Variants in EPB41L4B observed in about 807,000 individuals in gnomAD.
EPB41L4B encodes band 4.1-like protein 4B.
EPB41L4B carries 30 observed loss-of-function variants against 112.5 expected under a neutral mutation model. The observed-to-expected ratio is 0.27, with a 90% CI of 0.20 to 0.36. EPB41L4B has a LOEUF of 0.36. Ranked by LOEUF, EPB41L4B falls within the 10% of genes least tolerant of loss-of-function variation. The pLI, the probability that EPB41L4B is intolerant of heterozygous loss-of-function variation, is 1.00. For synonymous variants in EPB41L4B, 408 were observed against 439.7 expected (o/e 0.93, Z 0.90); for missense variants, 1,024 against 1,133.3 (o/e 0.90, Z 1.38).
intron 1 of EPB41L4B, among the ~76,000 whole-genome samples, chr9:109,287,513 C>A (rs926966612): frequency 3.3e-5 from 5 of 152,236 alleles, no homozygotes; most frequent in Non-Finnish European, 7.3e-5. Context: ...CAGATGTATA[C>A]ATCCTACTTG....
At chr9:109,255,937 T>TAA in intron 9 of EPB41L4B, 94 bp from the exon 10 acceptor site, 3 of 1,154,478 alleles carry the variant, frequency 2.6e-6, no homozygotes, top group South Asian at 3.4e-5. Flanking sequence ...AAGCTTAGAC[T>TAA]AAAAAAAAAA....
chr9:109,178,096 T>G (rs2118586877), intron 24 of EPB41L4B, among the ~76,000 whole-genome samples: 1 of 152,158 alleles, frequency 6.6e-6, no homozygotes, highest in Admixed American at 6.5e-5. Flanking sequence ...TTTTTAATCT[T>G]TCGTGGAAAC....
rs185891417 is a variant in EPB41L4B at position 109,192,726 on chromosome 9, G to T, written c.2224-371C>A. On this transcript the variant is annotated intron_variant, in intron 21 of 25. Coordinates refer to ENST00000374566, the MANE Select transcript of EPB41L4B (RefSeq NM_019114.5). Reference sequence around the variant, plus strand: ...AGAGGATCAAATCCAGGGTCCTCCAGGAGCTAAACTGATCTGCACACTAAG... The same window carrying T: ...AGAGGATCAAATCCAGGGTCCTCCATGAGCTAAACTGATCTGCACACTAAG... Among the ~76,000 whole-genome samples the T allele has an allele frequency of 6.2e-4, 94 of 152,276 alleles. 1 individual carries two copies. In the East Asian group the frequency reaches 0.015, roughly 24 times the overall value.
chr9:109,230,947 GGAGTTC>G (rs1446515238), intron 15 of EPB41L4B, among the ~76,000 whole-genome samples: 1 of 152,174 alleles, frequency 6.6e-6, no homozygotes, highest in Non-Finnish European at 1.5e-5. Context: ...TCTGAGGTCA[GGAGTTC>G]GAGACCAGCC....
intron 16 of EPB41L4B, among the ~76,000 whole-genome samples, chr9:109,216,669 A>G (rs1833381731): frequency 6.6e-6 from 1 of 151,516 alleles, no homozygotes; most frequent in Non-Finnish European, 1.5e-5. Flanking sequence ...AAAAGAAAAG[A>G]AAAAAAGAAA....
intron 12 of EPB41L4B, among the ~76,000 whole-genome samples, chr9:109,251,970 T>A (rs760804067): frequency 6.6e-6 from 1 of 152,202 alleles, no homozygotes; most frequent in Non-Finnish European, 1.5e-5. Flanking sequence ...TCCATTTTGT[T>A]TTTAAAAGGA....
At chr9:109,254,506 T>C (rs1305452760) in intron 11 of EPB41L4B, among the ~76,000 whole-genome samples, 2 of 151,754 alleles carry the variant, frequency 1.3e-5, no homozygotes, top group Non-Finnish European at 2.9e-5. Flanking sequence ...TTAAATAGAG[T>C]TCAGGGATGT....
intron 20 of EPB41L4B, among the ~76,000 whole-genome samples, chr9:109,199,042 C>T (rs1047363551): frequency 2.0e-5 from 3 of 152,026 alleles, no homozygotes; most frequent in African/African-American, 4.8e-5. Context: ...ATTTGTGACT[C>T]TTGTCTTTCC....
chr9:109,303,726 G>A (rs1316681521), intron 1 of EPB41L4B, among the ~76,000 whole-genome samples: 3 of 151,278 alleles, frequency 2.0e-5, no homozygotes, highest in Non-Finnish European at 2.9e-5. Context: ...GGCTGGTCTC[G>A]AACTCCTGGG....
intron 24 of EPB41L4B, among the ~76,000 whole-genome samples, chr9:109,181,571 T>G (rs1005117011): frequency 6.6e-6 from 1 of 152,136 alleles, no homozygotes; most frequent in Non-Finnish European, 1.5e-5. Context: ...GCATGGTGGC[T>G]CATGCCTGTA....
At chr9:109,297,614 A>C (rs1339677137) in intron 1 of EPB41L4B, among the ~76,000 whole-genome samples, 1 of 152,094 alleles carries the variant, frequency 6.6e-6, no homozygotes, top group Non-Finnish European at 1.5e-5. Flanking sequence ...AGGACCTCTG[A>C]CTCTAAGCCC....
chr9:109,200,346 C>A lies in EPB41L4B; in HGVS notation c.1947-12G>T, dbSNP rs1160042018. ...TAGGAATAGGACTTCTAGAGACACA[C>A]CGAAAAACAGAACAATACCATCAAA... On this transcript the variant is annotated splice_polypyrimidine_tract_variant and intron_variant, in intron 19 of 25. Transcript: ENST00000374566. 1 of 1,607,478 alleles carries A rather than the reference C, an allele frequency of 6.2e-7. No individual in the cohort carries two copies. Among genetic ancestry groups the A allele is most frequent in the South Asian group, 1.1e-5 (1 of 90,800 alleles).
intron 4 of EPB41L4B, 145 bp from the exon 5 acceptor site, chr9:109,265,169 TG>T (rs1835354484): frequency 1.6e-6 from 1 of 634,942 alleles, no homozygotes; most frequent in Admixed American, 3.5e-5. Context: ...AGAACTTTGG[TG>T]GAAGCATCTC....
intron 4 of EPB41L4B, among the ~76,000 whole-genome samples, chr9:109,265,616 G>A (rs1835375387): frequency 6.6e-6 from 1 of 152,038 alleles, no homozygotes; most frequent in Non-Finnish European, 1.5e-5. Flanking sequence ...GGTTAGAGGG[G>A]TAACAAAAAA....
chr9:109,286,856 C>T (rs1836304383), intron 1 of EPB41L4B, among the ~76,000 whole-genome samples: 2 of 152,186 alleles, frequency 1.3e-5, no homozygotes, highest in Admixed American at 6.5e-5. Context: ...GTTGGGATCC[C>T]CGTTCTGAAA....
At position 109,253,488 on chromosome 9, in the gene EPB41L4B, C is replaced by T; in HGVS notation, c.1232G>A (p.Arg411Lys). Residue 411 changes from arginine (R) to lysine (K), a missense_variant, in exon 12 of 26, where the codon AGG becomes AAG. Physicochemically the swap from Arg to Lys is conservative, Grantham distance 26. Coordinates refer to ENST00000374566, the MANE Select transcript of EPB41L4B (RefSeq NM_019114.5). ...SRLRRTSTFE[R>K]KPSKRYPSRR... ...GGATGGATAACGTTTACTAGGCTTC[C>T]TCTCAAAGGTGCTGGTTCTTCGTAA... is the stretch of plus-strand genomic sequence containing the variant. The T allele has an allele frequency of 6.2e-7, 1 of 1,614,026 alleles. No homozygotes were observed. Among genetic ancestry groups the T allele is most frequent in the Non-Finnish European group, 8.5e-7 (1 of 1,179,894 alleles).
chr9:109,193,427 T>C (rs982025879), intron 21 of EPB41L4B, among the ~76,000 whole-genome samples: 4 of 152,260 alleles, frequency 2.6e-5, no homozygotes, highest in African/African-American at 9.6e-5. Flanking sequence ...TAGCAGATCT[T>C]ATTCCCATTT....
intron 5 of EPB41L4B, among the ~76,000 whole-genome samples, chr9:109,263,798 C>T (rs966868493): frequency 6.6e-6 from 1 of 152,182 alleles, no homozygotes; most frequent in Admixed American, 6.5e-5. Context: ...GACCCATCTC[C>T]CATTATATAG....
intron 17 of EPB41L4B, among the ~76,000 whole-genome samples, chr9:109,212,386 A>G (rs1308746120): frequency 6.6e-6 from 1 of 152,198 alleles, no homozygotes; most frequent in Non-Finnish European, 1.5e-5. Flanking sequence ...AGCCTGCTCA[A>G]TAAAGATCTG....
Sources: gnomAD v4.1 joint callset for allele counts (sites outside exome capture counted in the v4.1 genomes callset) on GRCh38, gnomAD v4.1.1 for gene constraint, MANE v1.5 for transcripts, NCBI Gene and HGNC (gene_info 2026-07-23, HGNC 2026-07-21) for gene names.